Variants in GAPVD1 observed in about 807,000 individuals in gnomAD.
GAPVD1 encodes the protein GTPase activating protein and VPS9 domains 1.
GAPVD1 carries 35 observed loss-of-function variants against 155.5 expected under a neutral mutation model. The ratio of observed to expected loss-of-function variants is 0.23; its 90% CI spans 0.17 to 0.30. The LOEUF is 0.30. Among genes scored for constraint, GAPVD1 ranks in the 10% least tolerant of loss-of-function variants. GAPVD1 has a pLI of 1.00. For synonymous variants in GAPVD1, 636 were observed against 619.7 expected, an observed-to-expected ratio of 1.03 and a Z score of -0.39; for missense variants, 1,429 against 1,775.7, an observed-to-expected ratio of 0.80 and a Z score of 3.51.
intron 9 of GAPVD1, among the ~76,000 whole-genome samples, chr9:125,315,032 C>A (rs1843205427): frequency 6.6e-6 from 1 of 152,104 alleles, no homozygotes; most frequent in African/African-American, 2.4e-5. Context: ...CGTGATCCGC[C>A]CACCTCGGCC....
chr9:125,312,174 G>C (rs568257759), intron 8 of GAPVD1, among the ~76,000 whole-genome samples: 1 of 152,312 alleles, frequency 6.6e-6, no homozygotes, highest in Non-Finnish European at 1.5e-5. Flanking sequence ...CATGTTTGCT[G>C]TTCTGCAGAT....
Position 125,360,600 on chromosome 9 carries a change from C to T in GAPVD1, c.4117C>T (p.Arg1373Trp), listed in dbSNP as rs978693975. Residue 1373 changes from arginine (R) to tryptophan (W), a missense_variant, in exon 27 of 28, where the codon CGG becomes TGG. Physicochemically the swap from Arg to Trp is moderately radical, Grantham distance 101 (BLOSUM62 -3). This residue lies in a region of GAPVD1 where 102 missense variants were observed against 196.5 expected (regional missense o/e 0.52). Coordinates refer to ENST00000297933, the MANE Select transcript of GAPVD1 (RefSeq NM_001282680.3). ...IRTISAYKTPRDKVQCILRMC... is the reference protein window; with the variant it reads ...IRTISAYKTPWDKVQCILRMC... ...GACAATAAGTGCTTATAAAACCCCC[C>T]GGGACAAAGTGCAGTGCATCCTGAG... 3 of 1,613,748 alleles carry T rather than the reference C, an allele frequency of 1.9e-6. No homozygotes were observed. Among genetic ancestry groups the T allele is most frequent in the Non-Finnish European group, 1.7e-6 (2 of 1,179,728 alleles).
chr9:125,304,567 G>A lies in GAPVD1; in HGVS notation c.1030-496G>A, dbSNP rs1392568109. Among the ~76,000 whole-genome samples the A allele has an allele frequency of 2.6e-5, 4 of 152,182 alleles. No individual in the cohort carries two copies. The East Asian group carries it at 7.7e-4, about 29-fold the overall frequency. Reference sequence around the variant, plus strand: ...TGCAGTAACAAATTTTGCCAGTAAGGTACTTGTTCTATGAATTAGTATTTA... The same window carrying A: ...TGCAGTAACAAATTTTGCCAGTAAGATACTTGTTCTATGAATTAGTATTTA... On this transcript the variant is annotated intron_variant, in intron 5 of 27. Coordinates refer to ENST00000297933, the MANE Select transcript of GAPVD1 (RefSeq NM_001282680.3).
At chr9:125,277,842 T>A (rs907990937) in intron 2 of GAPVD1, among the ~76,000 whole-genome samples, 4 of 151,826 alleles carry the variant, frequency 2.6e-5, no homozygotes, top group South Asian at 2.1e-4. Flanking sequence ...AATTTTTAAA[T>A]TTTTTTATAG....
chr9:125,318,038 G>GACAAAGA (rs1843710755), intron 9 of GAPVD1, among the ~76,000 whole-genome samples: 1 of 152,186 alleles, frequency 6.6e-6, no homozygotes, highest in South Asian at 2.1e-4. Context: ...GATACACCCA[G>GACAAAGA]CACTTTGGGA....
chr9:125,321,945 C>T (rs1331047453), intron 10 of GAPVD1, among the ~76,000 whole-genome samples: 2 of 152,146 alleles, frequency 1.3e-5, no homozygotes, highest in East Asian at 1.9e-4. Context: ...CTTAAATGTT[C>T]TGTATTCCTT....
chr9:125,315,015 C>A (rs1843201078), intron 9 of GAPVD1, among the ~76,000 whole-genome samples: 1 of 152,074 alleles, frequency 6.6e-6, no homozygotes, highest in African/African-American at 2.4e-5. Flanking sequence ...TCTCGATCTC[C>A]TGACCTCGTG....
At chr9:125,289,836 A>T (rs1838296707) in intron 2 of GAPVD1, among the ~76,000 whole-genome samples, 1 of 152,210 alleles carries the variant, frequency 6.6e-6, no homozygotes, top group South Asian at 2.1e-4. Context: ...AAGTGAGTTT[A>T]GTTAGAAAAG....
intron 4 of GAPVD1, among the ~76,000 whole-genome samples, chr9:125,301,068 T>C (rs1428569170): frequency 1.3e-5 from 2 of 151,864 alleles, no homozygotes; most frequent in Non-Finnish European, 2.9e-5. Context: ...AGTTTAACTG[T>C]AGCTGATTTT....
At chr9:125,314,624 A>G (rs2841311) in intron 9 of GAPVD1, among the ~76,000 whole-genome samples, 79,287 of 151,482 alleles carry the variant, frequency 0.52, 21,015 homozygotes, top group African/African-American at 0.61. Flanking sequence ...ATTGCACTCC[A>G]GCCTGGGCAA....
At position 125,305,080 on chromosome 9, in the gene GAPVD1, G is replaced by A. The variant is rs1292281594; in HGVS notation, c.1047G>A (p.Gln349=). The change falls in exon 6 of 28, where the codon CAG becomes CAA. Residue 349 remains glutamine (Q), a synonymous_variant. Transcript: ENST00000297933. ...GGTTGCAGGTAGGCCGCCTTTTGCA[G>A]CAGTTAGCAATGACTGGCTCTGAAG... is the stretch of plus-strand genomic sequence containing the variant. ...FNLMQVGRLL[Q]QLAMTGSEEG... The A allele has an allele frequency of 6.2e-7, 1 of 1,613,880 alleles. No homozygotes were observed. Among genetic ancestry groups the A allele is most frequent in the East Asian group, 2.2e-5 (1 of 44,876 alleles).
chr9:125,345,848 T>C (rs1211101452), intron 19 of GAPVD1: 1 of 152,094 alleles, frequency 6.6e-6, no homozygotes, highest in Non-Finnish European at 1.5e-5. Flanking sequence ...AAAATACGTA[T>C]ATGTATATAT....
intron 27 of GAPVD1, 45 bp downstream of exon 27, chr9:125,360,770 G>T: frequency 6.9e-7 from 1 of 1,440,788 alleles, no homozygotes; most frequent in South Asian, 1.1e-5. Flanking sequence ...GTGGCATTCT[G>T]AGCAGGTGGC....
At chr9:125,292,045 C>G (rs1838689047) in intron 2 of GAPVD1, among the ~76,000 whole-genome samples, 1 of 151,896 alleles carries the variant, frequency 6.6e-6, no homozygotes, top group Non-Finnish European at 1.5e-5. Flanking sequence ...AGTTTGAGAC[C>G]TGAGCAACAT....
At chr9:125,354,141 G>A (rs184640964) in intron 23 of GAPVD1, among the ~76,000 whole-genome samples, 106 of 152,268 alleles carry the variant, frequency 7.0e-4, no homozygotes, top group Middle Eastern at 3.4e-3. Flanking sequence ...GGAGAAAAAT[G>A]TAACTGAGAT....
chr9:125,270,418 G>C (rs1476648005), intron 2 of GAPVD1, among the ~76,000 whole-genome samples: 1 of 151,802 alleles, frequency 6.6e-6, no homozygotes, highest in Non-Finnish European at 1.5e-5. Context: ...GACAGAGCTA[G>C]AGTCTGTCTC....
chr9:125,323,521 G>A (rs1446612422), intron 10 of GAPVD1, among the ~76,000 whole-genome samples: 2 of 152,056 alleles, frequency 1.3e-5, no homozygotes, highest in Non-Finnish European at 2.9e-5. Flanking sequence ...TAGCCAGGAT[G>A]GTCTCGATCT....
At chr9:125,290,743 C>T (rs1164037232) in intron 2 of GAPVD1, among the ~76,000 whole-genome samples, 1 of 152,096 alleles carries the variant, frequency 6.6e-6, no homozygotes, top group Admixed American at 6.6e-5. Context: ...CATGGTGGCT[C>T]ACACTTGTAA....
rs1285313398 is a variant in GAPVD1, at chr9:125,330,167, T to A, written c.2122T>A (p.Ser708Thr). ...LLDPCTGSTI[S>T]ETTSEAWSVE... ...TGACCCCTGCACTGGTTCTACCATA[T>A]CAGAGACAACAAGTGAAGCTTGGAG... is the stretch of plus-strand genomic sequence containing the variant. Residue 708 changes from serine (S) to threonine (T), a missense_variant, in exon 13 of 28, where the codon TCA becomes ACA. Physicochemically the swap from Ser to Thr is moderately conservative, Grantham distance 58. Around this residue, in one of 4 missense-constraint regions of GAPVD1, gnomAD observed 699 missense variants for 826.0 expected, o/e 0.85. Transcript: ENST00000297933. 6.2e-7 allele frequency: 1 copy of A among 1,612,646 alleles called. No homozygotes were observed. The highest frequency in any genetic ancestry group is 1.7e-5 in the Admixed American group (1 of 59,910).
Sources: gnomAD v4.1 joint callset for allele counts (sites outside exome capture counted in the v4.1 genomes callset) on GRCh38, gnomAD v4.1.1 for gene constraint, gnomAD v4.1.1 regional missense constraint, MANE v1.5 for transcripts, NCBI Gene and HGNC (gene_info 2026-07-23, HGNC 2026-07-21) for gene names.